The following CLASP2 variants were observed in gnomAD, a reference collection of about 807,000 sequenced individuals.
The protein encoded by CLASP2 is CLIP-associating protein 2.
Under a neutral mutation model 194.4 loss-of-function variants are expected in CLASP2, and 47 were observed. The observed-to-expected ratio is 0.24, with a 90% CI of 0.19 to 0.31. The LOEUF is 0.31. Ranked by LOEUF, CLASP2 falls within the 10% of genes least tolerant of loss-of-function variation. The probability of loss-of-function intolerance (pLI) is 1.00; values close to 1 mark genes in which losing one functional copy is unlikely to be tolerated. For synonymous variants in CLASP2, 619 were observed against 633.5 expected (o/e 0.98, Z 0.34); for missense variants, 1,445 against 1,823.6 (o/e 0.79, Z 3.78).
intron 14 of CLASP2, among the ~76,000 whole-genome samples, chr3:33,607,876 A>G (rs1187528777): frequency 1.3e-5 from 2 of 152,222 alleles, no homozygotes; most frequent in East Asian, 3.8e-4. Flanking sequence ...CTGCCACAGA[A>G]GAACGCAAAG....
chr3:33,584,694 GAA>G (rs367641282), intron 22 of CLASP2, 54 bp downstream of exon 22: 12,227 of 1,000,026 alleles, frequency 0.012, no homozygotes, highest in South Asian at 0.018. Context: ...GCCAAAGCCT[GAA>G]AAAAAAAAAA....
rs544324470 is a variant in CLASP2, at chr3:33,685,097, T to C, written c.547-641A>G. ...GGCTCATGCCTGTAATCGCAGCATG[T>C]TGGGAGACCAAGGCTGGCGGTTCAC... On this transcript the variant is annotated intron_variant, in intron 5 of 38. Coordinates refer to ENST00000682230, the MANE Select transcript of CLASP2 (RefSeq NM_001365631.1). 9.8e-4 allele frequency among the ~76,000 whole-genome samples: 148 copies of C among 151,680 alleles called. 1 individual carries two copies. The highest frequency in any genetic ancestry group is 1.3e-3 in the Non-Finnish European group (85 of 67,890).
chr3:33,501,309 A>G (rs2046797669), intron 38 of CLASP2, among the ~76,000 whole-genome samples: 1 of 152,214 alleles, frequency 6.6e-6, no homozygotes, highest in Non-Finnish European at 1.5e-5. Flanking sequence ...TAACCACAAC[A>G]GTCTATTTAT....
rs2090750610 is a variant in CLASP2, at chr3:33,686,956, C to A, written c.546+104G>T. Reference sequence around the variant, plus strand: ...TGAGGTAAAATCTTGATTTCAGCATCCCCCTCCACCCTCTCTCTTCTTTTT... The same window carrying A: ...TGAGGTAAAATCTTGATTTCAGCATACCCCTCCACCCTCTCTCTTCTTTTT... On this transcript the variant is annotated intron_variant, in intron 5 of 38. Coordinates refer to ENST00000682230, the MANE Select transcript of CLASP2 (RefSeq NM_001365631.1). 4.9e-6 allele frequency: 3 copies of A among 615,970 alleles called. No individual in the cohort carries two copies. The South Asian group carries it at 7.6e-5, about 16-fold the overall frequency. The allele number at this position is 615,970 out of a possible 1,614,324, so 38.2% of individuals were successfully genotyped here. A position where few individuals can be genotyped will look rare whatever the true frequency, so the allele number is the denominator to read the frequency against.
intron 2 of CLASP2, among the ~76,000 whole-genome samples, chr3:33,693,132 A>G (rs2091527027): frequency 6.6e-6 from 1 of 152,074 alleles, no homozygotes; most frequent in Admixed American, 6.5e-5. Flanking sequence ...TTTCCACAAT[A>G]TATGTGGTCA....
intron 2 of CLASP2, among the ~76,000 whole-genome samples, chr3:33,695,116 G>A (rs1294738820): frequency 1.3e-5 from 2 of 150,382 alleles, no homozygotes; most frequent in Middle Eastern, 3.2e-3. Flanking sequence ...CCAGGGCTTG[G>A]TGGTGCAATC....
At chr3:33,617,957 T>A (rs1026595490) in intron 12 of CLASP2, among the ~76,000 whole-genome samples, 5 of 147,096 alleles carry the variant, frequency 3.4e-5, no homozygotes, top group African/African-American at 1.2e-4. Context: ...ATATATTTTT[T>A]TTTTTTTTGA....
rs542645436 is a variant in CLASP2 at position 33,573,838 on chromosome 3, C to T, written c.2455-484G>A. ...TTTATTCTCCTTTTACCTCCATTAC[C>T]ACTTCTCTTGCCACTATTCCTTCCC... On this transcript the variant is annotated intron_variant, in intron 24 of 38. Coordinates refer to ENST00000682230, the MANE Select transcript of CLASP2 (RefSeq NM_001365631.1). 6.2e-4 allele frequency among the ~76,000 whole-genome samples: 94 copies of T among 152,080 alleles called. 1 individual carries two copies. The South Asian group carries it at 0.016, about 27-fold the overall frequency.
chr3:33,688,461 C>T (rs2090969484), intron 3 of CLASP2, 93 bp from the exon 4 acceptor site: 4 of 909,762 alleles, frequency 4.4e-6, no homozygotes, highest in South Asian at 3.5e-5. Context: ...CCAACCTTAT[C>T]GGTAACTGAA....
At chr3:33,602,879 A>C in intron 18 of CLASP2, 73 bp downstream of exon 18, 1 of 1,318,698 alleles carries the variant, frequency 7.6e-7, no homozygotes, top group Non-Finnish European at 1.1e-6. Context: ...AGAAATGATT[A>C]AGGTATATGA....
At chr3:33,604,299 G>A (rs1182409661) in intron 16 of CLASP2, 90 bp from the exon 17 acceptor site, 4 of 814,072 alleles carry the variant, frequency 4.9e-6, no homozygotes, top group Middle Eastern at 2.8e-4. Context: ...TTTGTGGAAA[G>A]TTGAGAAGTA....
intron 8 of CLASP2, among the ~76,000 whole-genome samples, chr3:33,637,680 C>CT (rs1267915101): frequency 1.3e-5 from 2 of 152,310 alleles, no homozygotes; most frequent in African/African-American, 4.8e-5. Context: ...TATTTGCAAG[C>CT]TGTTGGCCAG....
chr3:33,633,756 T>C (rs946889536), intron 8 of CLASP2, among the ~76,000 whole-genome samples: 1 of 152,146 alleles, frequency 6.6e-6, no homozygotes, highest in South Asian at 2.1e-4. Flanking sequence ...TACAAGAGTT[T>C]AAATTTTTTA....
At chr3:33,659,283 T>C in intron 7 of CLASP2, 1 of 1,195,006 alleles carries the variant, frequency 8.4e-7, no homozygotes, top group South Asian at 4.2e-5. Context: ...ATGATGTTTC[T>C]CCTTGTACTG....
At chr3:33,509,288 C>G (rs2049104459) in intron 37 of CLASP2, among the ~76,000 whole-genome samples, 1 of 152,176 alleles carries the variant, frequency 6.6e-6, no homozygotes, top group South Asian at 2.1e-4. Flanking sequence ...ACTATCTTGG[C>G]TCACCGCCAA....
intron 25 of CLASP2, among the ~76,000 whole-genome samples, chr3:33,572,075 C>T (rs1427621615): frequency 6.6e-6 from 1 of 152,198 alleles, no homozygotes; most frequent in Non-Finnish European, 1.5e-5. Context: ...AATGTTGCTA[C>T]TGATAGGATA....
intron 1 of CLASP2, among the ~76,000 whole-genome samples, chr3:33,713,190 T>C (rs577506226): frequency 7.2e-5 from 11 of 152,276 alleles, no homozygotes; most frequent in East Asian, 3.9e-4. Context: ...AAATTATGTG[T>C]GATTGTCCTT....
At chr3:33,612,174 C>T (rs1305329875) in intron 12 of CLASP2, 103 bp from the exon 13 acceptor site, 2 of 678,058 alleles carry the variant, frequency 2.9e-6, no homozygotes, top group Non-Finnish European at 5.0e-6. Flanking sequence ...TACAAGAGGA[C>T]AAAAAGACCA....
chr3:33,530,807 GAC>G (rs1447399577), intron 34 of CLASP2, among the ~76,000 whole-genome samples: 13 of 152,170 alleles, frequency 8.5e-5, no homozygotes, highest in Non-Finnish European at 1.5e-4. Flanking sequence ...GACTAGAAAA[GAC>G]TGCTGAAAGA....
Sources: allele counts gnomAD v4.1 joint callset (sites outside exome capture counted in the v4.1 genomes callset), GRCh38; gene constraint gnomAD v4.1.1; transcripts MANE v1.5; gene names NCBI Gene and HGNC (gene_info 2026-07-23, HGNC 2026-07-21).